Variants in PCDHA2 observed in about 807,000 individuals in gnomAD.
PCDHA2 encodes protocadherin alpha 2, also known as protocadherin alpha-2.
Under a neutral mutation model 66.0 loss-of-function variants are expected in PCDHA2, and 58 were observed. The ratio of observed to expected loss-of-function variants is 0.88; its 90% CI spans 0.71 to 1.09. PCDHA2 has a LOEUF of 1.09. Among genes scored for constraint, PCDHA2 ranks in the 50% least tolerant of loss-of-function variants. PCDHA2 has a pLI of 0.00. For missense variants in PCDHA2, 1,267 were observed against 1,242.3 expected (o/e 1.02, Z -0.30); for synonymous variants, 634 against 554.0 (o/e 1.14, Z -2.03).
chr5:140,968,782 C>G, intron 1 of PCDHA2: 1 of 1,614,192 alleles, frequency 6.2e-7, no homozygotes, highest in South Asian at 1.1e-5. Flanking sequence ...CACTATCAGC[C>G]TCTGTGGCCA....
At chr5:140,843,585 C>A in intron 1 of PCDHA2, 2 of 1,596,014 alleles carry the variant, frequency 1.3e-6, no homozygotes, top group East Asian at 2.2e-5. Context: ...CAACAACAGC[C>A]GCAGAGGGTG....
intron 1 of PCDHA2, chr5:140,807,370 G>T: frequency 6.2e-7 from 1 of 1,608,352 alleles, no homozygotes; most frequent in African/African-American, 1.4e-5. Flanking sequence ...AGCTGGTGCC[G>T]CGCCTGTTCC....
intron 1 of PCDHA2, among the ~76,000 whole-genome samples, chr5:140,903,398 T>C (rs1011557575): frequency 1.3e-5 from 2 of 152,204 alleles, no homozygotes; most frequent in Admixed American, 1.3e-4. Context: ...CTAGAAACAG[T>C]AGTGCAGTCA....
intron 1 of PCDHA2, among the ~76,000 whole-genome samples, chr5:140,873,350 A>G (rs251374): frequency 0.7 from 106,869 of 152,104 alleles, 38,096 homozygotes; most frequent in African/African-American, 0.82. Context: ...TCCAGATGAA[A>G]TTTTTGGAAT....
At chr5:140,965,281 G>A (rs574183012) in intron 1 of PCDHA2, among the ~76,000 whole-genome samples, 1 of 152,310 alleles carries the variant, frequency 6.6e-6, no homozygotes, top group African/African-American at 2.4e-5. Flanking sequence ...GACACAGCAT[G>A]GAAAGATTTC....
At position 140,824,023 on chromosome 5, in the gene PCDHA2, T is replaced by A. The variant is rs201009574; in HGVS notation, c.2388+26671T>A. The A allele has an allele frequency of 1.6e-5, 26 of 1,614,080 alleles. No homozygotes were observed. The Admixed American group carries it at 2.3e-4, about 14-fold the overall frequency. ...CAGCGCGGTGGGGAGCTGGTCGTAC[T>A]CGCAGCAGAGGAGACAGAGGGTGTG... On this transcript the variant is annotated intron_variant, in intron 1 of 3. Coordinates refer to ENST00000526136, the MANE Select transcript of PCDHA2 (RefSeq NM_018905.3).
At chr5:140,912,679 T>C (rs367681467) in intron 1 of PCDHA2, among the ~76,000 whole-genome samples, 6 of 152,216 alleles carry the variant, frequency 3.9e-5, no homozygotes, top group African/African-American at 1.4e-4. Context: ...CCTTGACTTA[T>C]TCCAGGTCTC....
At chr5:140,928,504 A>G (rs1408229072) in intron 1 of PCDHA2, 1 of 1,614,092 alleles carries the variant, frequency 6.2e-7, no homozygotes, top group African/African-American at 1.3e-5. Flanking sequence ...CAGAAGTGCA[A>G]CAGTGACTAT....
rs2150401429 is a variant in PCDHA2 at position 140,847,524 on chromosome 5, A to G, written c.2388+50172A>G. The stretch of plus-strand genomic sequence containing the variant: ...AAAACTTTGTAGAACTTAGTCAGGA[A>G]AAGAATCTCAAGCATAGCTTTAAAA... On this transcript the variant is annotated intron_variant, in intron 1 of 3. Coordinates refer to ENST00000526136, the MANE Select transcript of PCDHA2 (RefSeq NM_018905.3). The G allele has an allele frequency of 1.3e-5, 2 of 149,848 alleles. 1 individual carries two copies. The highest frequency in any genetic ancestry group is 3.0e-5 in the Non-Finnish European group (2 of 66,914). 9.3% of individuals were successfully genotyped at this position (149,848 alleles called of 1,614,324 possible).
At position 140,858,022 on chromosome 5, in the gene PCDHA2, G is replaced by T; in HGVS notation, c.2388+60670G>T. 2.5e-6 allele frequency: 4 copies of T among 1,597,054 alleles called. 1 individual carries two copies. The highest frequency in any genetic ancestry group is 1.3e-5 in the African/African-American group (1 of 74,416). On this transcript the variant is annotated intron_variant, in intron 1 of 3. Transcript: ENST00000526136. The stretch of plus-strand genomic sequence containing the variant: ...TGAAGGACCATGGCGAGCCGTCGCT[G>T]ACGGCCACGGCCACTGTGCTTGTGT...
chr5:140,921,953 C>A (rs2080517782), intron 1 of PCDHA2, among the ~76,000 whole-genome samples: 3 of 151,116 alleles, frequency 2.0e-5, no homozygotes, highest in African/African-American at 4.9e-5. Flanking sequence ...TTGTAAAATC[C>A]CAGAAAACCA....
chr5:140,795,708 A>G lies in PCDHA2; in HGVS notation c.744A>G (p.Lys248=). The change falls in exon 1 of 4, where the codon AAA becomes AAG. Residue 248 remains lysine, a synonymous_variant. Coordinates refer to ENST00000526136, the MANE Select transcript of PCDHA2 (RefSeq NM_018905.3). ...NEPTFAQSVY[K]VKLLENTANG... is the part of the protein sequence containing the mutation. ...CAACTTTTGCCCAATCAGTTTACAA[A>G]GTAAAATTGTTAGAGAATACGGCAA... 1 of 1,614,162 alleles carries G rather than the reference A, an allele frequency of 6.2e-7. No individual in the cohort carries two copies. Among genetic ancestry groups the G allele is most frequent in the Non-Finnish European group, 8.5e-7 (1 of 1,180,016 alleles).
At chr5:140,968,507 T>A in intron 1 of PCDHA2, 1 of 1,614,178 alleles carries the variant, frequency 6.2e-7, no homozygotes, top group South Asian at 1.1e-5. Context: ...TCACATTCTG[T>A]ACCCTACCTC....
intron 1 of PCDHA2, among the ~76,000 whole-genome samples, chr5:140,819,287 T>G (rs988758166): frequency 4.6e-5 from 7 of 152,124 alleles, no homozygotes; most frequent in African/African-American, 7.2e-5. Flanking sequence ...AGAAGAAAAA[T>G]ATAGCTTATT....
At chr5:140,836,151 G>T (rs2150254234) in intron 1 of PCDHA2, 3 of 1,613,828 alleles carry the variant, frequency 1.9e-6, no homozygotes, top group Middle Eastern at 3.3e-4. Context: ...CGCGGGCCAT[G>T]TGGTGGCGAA....
At chr5:140,864,105 T>G (rs1413292385) in intron 1 of PCDHA2, 1 of 152,314 alleles carries the variant, frequency 6.6e-6, no homozygotes, top group Non-Finnish European at 1.5e-5. Flanking sequence ...ATAATGATAA[T>G]AGTAATAATG....
chr5:140,966,678 C>T, intron 1 of PCDHA2: 5 of 1,313,350 alleles, frequency 3.8e-6, no homozygotes, highest in South Asian at 3.6e-5. Context: ...CAGGGTGGCA[C>T]GAGCGGAGGC....
At chr5:140,919,124 A>G (rs1195742790) in intron 1 of PCDHA2, among the ~76,000 whole-genome samples, 1 of 151,996 alleles carries the variant, frequency 6.6e-6, no homozygotes, top group Non-Finnish European at 1.5e-5. Flanking sequence ...TTTTTGCTTC[A>G]TGTGTTTTGG....
intron 1 of PCDHA2, chr5:140,822,151 A>C (rs2150114092): frequency 3.1e-6 from 5 of 1,614,248 alleles, no homozygotes; most frequent in Non-Finnish European, 4.2e-6. Context: ...GAAGGACATC[A>C]ATGACAATCC....
Sources: gnomAD v4.1 joint callset for allele counts (sites outside exome capture counted in the v4.1 genomes callset) on GRCh38, gnomAD v4.1.1 for gene constraint, MANE v1.5 for transcripts, NCBI Gene and HGNC (gene_info 2026-07-23, HGNC 2026-07-21) for gene names.